Variants in DLG1 observed in about 807,000 individuals in gnomAD.
DLG1 encodes discs large MAGUK scaffold protein 1, also known as disks large homolog 1.
A neutral mutation model predicts 123.4 loss-of-function variants in DLG1; 42 were observed. The ratio of observed to expected loss-of-function variants is 0.34; its 90% CI spans 0.27 to 0.44. The LOEUF (loss-of-function observed/expected upper bound fraction) is 0.44. Among genes scored for constraint, DLG1 ranks in the 20% least tolerant of loss-of-function variants. DLG1 has a pLI of 1.00. For missense variants in DLG1, 942 were observed against 1,082.6 expected, an observed-to-expected ratio of 0.87 and a Z score of 1.82; for synonymous variants, 317 against 356.2, an observed-to-expected ratio of 0.89 and a Z score of 1.24.
chr3:197,278,177 G>A (rs957100064), intron 4 of DLG1, among the ~76,000 whole-genome samples: 14 of 150,662 alleles, frequency 9.3e-5, no homozygotes, highest in Non-Finnish European at 1.9e-4. Flanking sequence ...CAGCTACTCG[G>A]GAGGCTGAGG....
At chr3:197,214,027 A>G (rs1732692753) in intron 4 of DLG1, among the ~76,000 whole-genome samples, 1 of 152,318 alleles carries the variant, frequency 6.6e-6, no homozygotes, top group South Asian at 2.1e-4. Context: ...AAAGTGTTGA[A>G]CAGACCACTG....
intron 20 of DLG1, 67 bp from the exon 21 acceptor site, chr3:197,065,876 C>T: frequency 9.3e-7 from 1 of 1,072,858 alleles, no homozygotes; most frequent in East Asian, 2.4e-5. Context: ...TTTATTTCAC[C>T]AGCGAACAAA....
In DLG1 at chr3:197,149,742, C is replaced by T. The variant is rs1210809636; in HGVS notation, c.537+1G>A. ...CAATGTGGGGAGGAAATGGAACTTACGTAAGTTGGTGTTTCCAAGCTATCT... is the reference window on the plus strand; with the variant it reads ...CAATGTGGGGAGGAAATGGAACTTATGTAAGTTGGTGTTTCCAAGCTATCT... On this transcript the variant is annotated splice_donor_variant, in intron 6 of 24. Coordinates refer to ENST00000667157, the MANE Select transcript of DLG1 (RefSeq NM_001366207.1). LOFTEE classifies it high-confidence loss of function. The T allele has an allele frequency of 3.8e-6, 6 of 1,591,460 alleles. No individual in the cohort carries two copies. The highest frequency in any genetic ancestry group is 3.4e-6 in the Non-Finnish European group (4 of 1,160,176).
chr3:197,140,918 T>C (rs556539224), intron 7 of DLG1, among the ~76,000 whole-genome samples: 14 of 152,312 alleles, frequency 9.2e-5, no homozygotes, highest in Non-Finnish European at 1.9e-4. Flanking sequence ...AAAGTAAATT[T>C]TGCCAAAGCA....
intron 22 of DLG1, 140 bp downstream of exon 22, chr3:197,065,136 C>A: frequency 1.4e-6 from 1 of 710,900 alleles, no homozygotes; most frequent in Non-Finnish European, 2.1e-6. Context: ...TTTCCTAAGC[C>A]ATGGAAAATT....
At chr3:197,182,883 T>C (rs1713236140) in intron 5 of DLG1, among the ~76,000 whole-genome samples, 1 of 152,096 alleles carries the variant, frequency 6.6e-6, no homozygotes, top group Admixed American at 6.5e-5. Flanking sequence ...CAAAAAGTGG[T>C]GTTATGTGAT....
intron 4 of DLG1, among the ~76,000 whole-genome samples, chr3:197,252,085 T>C (rs1280815828): frequency 2.0e-5 from 3 of 152,186 alleles, no homozygotes; most frequent in Non-Finnish European, 4.4e-5. Flanking sequence ...ATGACTAGTG[T>C]GCTAGTTGTC....
In DLG1 at chr3:197,149,738, C is replaced by T; in HGVS notation, c.537+5G>A. The stretch of plus-strand genomic sequence containing the variant: ...ACTTCAATGTGGGGAGGAAATGGAA[C>T]TTACGTAAGTTGGTGTTTCCAAGCT... On this transcript the variant is annotated splice_donor_5th_base_variant and intron_variant, in intron 6 of 24. Coordinates refer to ENST00000667157, the MANE Select transcript of DLG1 (RefSeq NM_001366207.1). The T allele has an allele frequency of 6.3e-7, 1 of 1,586,484 alleles. No individual in the cohort carries two copies. Among genetic ancestry groups the T allele is most frequent in the Non-Finnish European group, 8.7e-7 (1 of 1,155,394 alleles).
intron 5 of DLG1, among the ~76,000 whole-genome samples, chr3:197,163,933 CCA>C (rs1799986931): frequency 1.3e-5 from 2 of 151,968 alleles, no homozygotes; most frequent in African/African-American, 4.8e-5. Flanking sequence ...TTGCATGATT[CCA>C]CTTAAAAGAC....
At chr3:197,215,321 T>C (rs1733546317) in intron 4 of DLG1, among the ~76,000 whole-genome samples, 1 of 152,198 alleles carries the variant, frequency 6.6e-6, no homozygotes, top group African/African-American at 2.4e-5. Context: ...TAAATGTGAC[T>C]GGGATAATTG....
At chr3:197,227,571 T>C (rs964292773) in intron 4 of DLG1, among the ~76,000 whole-genome samples, 1 of 152,202 alleles carries the variant, frequency 6.6e-6, no homozygotes, top group African/African-American at 2.4e-5. Flanking sequence ...CTGGTCTCTG[T>C]ATGCTTAGTA....
At chr3:197,171,013 G>T (rs1042664570) in intron 5 of DLG1, among the ~76,000 whole-genome samples, 4 of 152,194 alleles carry the variant, frequency 2.6e-5, no homozygotes, top group African/African-American at 9.7e-5. Flanking sequence ...TCGTGTCACT[G>T]TGGGTTAGTA....
At chr3:197,258,655 AAC>A (rs1757964132) in intron 4 of DLG1, among the ~76,000 whole-genome samples, 1 of 152,166 alleles carries the variant, frequency 6.6e-6, no homozygotes, top group African/African-American at 2.4e-5. Flanking sequence ...AGACTTTTAA[AAC>A]ACATATAGAA....
rs533321642 is a variant in DLG1, at chr3:197,254,727, A to C, written c.318+27952T>G. On this transcript the variant is annotated intron_variant, in intron 4 of 24. Transcript: ENST00000667157. ...GAGCAAACAGACATTCTAAAAGTTAAAAATACAATAAATGAAATTAAGAAA... is the reference window on the plus strand; with the variant it reads ...GAGCAAACAGACATTCTAAAAGTTACAAATACAATAAATGAAATTAAGAAA... Among the ~76,000 whole-genome samples the C allele has an allele frequency of 4.6e-5, 7 of 152,306 alleles. No homozygotes were observed. The South Asian group carries it at 1.5e-3, about 32-fold the overall frequency.
chr3:197,179,882 T>C (rs1809203553), intron 5 of DLG1, among the ~76,000 whole-genome samples: 1 of 152,196 alleles, frequency 6.6e-6, no homozygotes, highest in Non-Finnish European at 1.5e-5. Context: ...AACAATGTTT[T>C]CCTATATTTT....
intron 5 of DLG1, among the ~76,000 whole-genome samples, chr3:197,166,677 G>T (rs561803902): frequency 2.6e-5 from 4 of 152,218 alleles, no homozygotes; most frequent in African/African-American, 7.2e-5. Context: ...ATCATCTGAG[G>T]TCAGGAGTTT....
intron 5 of DLG1, among the ~76,000 whole-genome samples, chr3:197,150,959 T>C (rs1793566618): frequency 6.6e-6 from 1 of 152,046 alleles, no homozygotes; most frequent in African/African-American, 2.4e-5. Flanking sequence ...TAATACTTTA[T>C]GTTTAGTCCC....
At chr3:197,256,434 A>G (rs2150916583) in intron 4 of DLG1, among the ~76,000 whole-genome samples, 1 of 152,390 alleles carries the variant, frequency 6.6e-6, no homozygotes, top group Middle Eastern at 3.4e-3. Flanking sequence ...TACTTCACAC[A>G]CAGTAGGCAC....
At chr3:197,133,346 C>A (rs1462068703) in intron 10 of DLG1, among the ~76,000 whole-genome samples, 1 of 152,222 alleles carries the variant, frequency 6.6e-6, no homozygotes, top group African/African-American at 2.4e-5. Context: ...GAGTTCCCAG[C>A]TAAGAGCCAA....
Sources: allele counts gnomAD v4.1 joint callset (sites outside exome capture counted in the v4.1 genomes callset), GRCh38; gene constraint gnomAD v4.1.1; transcripts MANE v1.5; gene names NCBI Gene and HGNC (gene_info 2026-07-23, HGNC 2026-07-21).